ZNF585A: variants seen among roughly 807,000 people sequenced by gnomAD.
ZNF585A encodes zinc finger protein 585A.
In ZNF585A, 9 loss-of-function variants were observed where a neutral mutation model predicts 14.9. The ratio of observed to expected loss-of-function variants is 0.60; its 90% CI spans 0.36 to 1.05. The LOEUF (loss-of-function observed/expected upper bound fraction) is 1.05. Ranked by LOEUF, ZNF585A falls within the 50% of genes least tolerant of loss-of-function variation. ZNF585A has a pLI of 0.01. For synonymous variants in ZNF585A, 276 were observed against 319.9 expected (o/e 0.86, Z 1.46); for missense variants, 726 against 926.4 (o/e 0.78, Z 2.81).
chr19:37,157,966 GC>G (rs1971956837), intron 2 of ZNF585A, among the ~76,000 whole-genome samples: 1 of 147,498 alleles, frequency 6.8e-6, no homozygotes, highest in Non-Finnish European at 1.5e-5. Flanking sequence ...TCGGCTCACC[GC>G]AACCTCCACC....
intron 2 of ZNF585A, 117 bp downstream of exon 2, chr19:37,169,722 G>C: frequency 8.6e-7 from 1 of 1,165,126 alleles, no homozygotes; most frequent in Non-Finnish European, 1.2e-6. Context: ...AGCAGGTCTA[G>C]AGTCCAGCTG....
At chr19:37,165,980 A>G (rs1972085062) in intron 2 of ZNF585A, among the ~76,000 whole-genome samples, 1 of 152,036 alleles carries the variant, frequency 6.6e-6, no homozygotes. Flanking sequence ...GATTGTTTGA[A>G]TCTTAGGTAC....
intron 1 of ZNF585A, among the ~76,000 whole-genome samples, chr19:37,170,807 A>C (rs184770350): frequency 6.6e-6 from 1 of 152,364 alleles, no homozygotes; most frequent in Admixed American, 6.5e-5. Flanking sequence ...AATGAGGATG[A>C]AAATGCTTAT....
intron 2 of ZNF585A, chr19:37,165,743 TTTAAATA>T (rs772417710): frequency 3.5e-4 from 254 of 726,894 alleles, no homozygotes; most frequent in Non-Finnish European, 4.1e-4. Flanking sequence ...TGAGAATAAT[TTTAAATA>T]TTATTCTTTA....
chr19:37,162,068 C>T (rs1330481285), intron 2 of ZNF585A, among the ~76,000 whole-genome samples: 3 of 152,126 alleles, frequency 2.0e-5, no homozygotes, highest in African/African-American at 4.8e-5. Context: ...GGACTACAGG[C>T]ACCGGCCAAC....
In ZNF585A at chr19:37,147,952, T is replaced by C. The variant is rs1352115872; in HGVS notation, c.*3637A>G. On this transcript the variant is annotated 3_prime_UTR_variant, in exon 5 of 5. Transcript: ENST00000292841. ...ATGTACATTTGTGTTACTTCCTAAT[T>C]TGGGCAATTATACAATTGCTGTGAA... 6.6e-6 allele frequency: 1 copy of C among 152,214 alleles called. No homozygotes were observed. Among genetic ancestry groups the C allele is most frequent in the Non-Finnish European group, 1.5e-5 (1 of 68,028 alleles). 9.4% of individuals were successfully genotyped at this position (152,214 alleles called of 1,614,324 possible).
intron 2 of ZNF585A, among the ~76,000 whole-genome samples, chr19:37,157,149 C>T (rs1173424204): frequency 6.6e-6 from 1 of 152,150 alleles, no homozygotes; most frequent in Non-Finnish European, 1.5e-5. Context: ...TTCGAAGAAA[C>T]ATTTTATATA....
intron 2 of ZNF585A, among the ~76,000 whole-genome samples, chr19:37,162,921 C>T (rs1319010968): frequency 6.6e-6 from 1 of 152,058 alleles, no homozygotes; most frequent in East Asian, 1.9e-4. Flanking sequence ...ACAATAAACC[C>T]CCATGACACA....
At chr19:37,157,353 A>G (rs75423286) in intron 2 of ZNF585A, among the ~76,000 whole-genome samples, 3,210 of 152,292 alleles carry the variant, frequency 0.021, 118 homozygotes, top group African/African-American at 0.073. Flanking sequence ...ATTTAGGACG[A>G]GCCCTTATGC....
intron 2 of ZNF585A, 72 bp downstream of exon 2, chr19:37,169,767 G>A (rs372598269): frequency 1.3e-6 from 2 of 1,575,794 alleles, no homozygotes; most frequent in Non-Finnish European, 1.7e-6. Flanking sequence ...TCAGTCATGA[G>A]GTTCTAGTGA....
At chr19:37,168,071 A>G (rs922681963) in intron 2 of ZNF585A, among the ~76,000 whole-genome samples, 9 of 152,238 alleles carry the variant, frequency 5.9e-5, no homozygotes, top group Admixed American at 5.2e-4. Context: ...TTTACTTAAT[A>G]TAGTTCAAAA....
chr19:37,157,186 A>G (rs1187153919), intron 2 of ZNF585A, among the ~76,000 whole-genome samples: 1 of 152,220 alleles, frequency 6.6e-6, no homozygotes, highest in Non-Finnish European at 1.5e-5. Context: ...TTAGTTTTAC[A>G]TATTTTGTGG....
At chr19:37,155,830 C>G (rs1971918913) in intron 4 of ZNF585A, 35 bp downstream of exon 4, 4 of 1,606,692 alleles carry the variant, frequency 2.5e-6, no homozygotes, top group Non-Finnish European at 3.4e-6. Flanking sequence ...TTCCTCCCAT[C>G]TCCCATCTAC....
chr19:37,161,130 AT>A (rs1326461660), intron 2 of ZNF585A, among the ~76,000 whole-genome samples: 1 of 152,054 alleles, frequency 6.6e-6, no homozygotes, highest in Non-Finnish European at 1.5e-5. Context: ...CCAAACTAAT[AT>A]TTTTAAGCCC....
rs1362953358 is a variant in ZNF585A at position 37,153,551 on chromosome 19, T to C, written c.348A>G (p.Val116=). The change falls in exon 5 of 5, where the codon GTA becomes GTG. Residue 116 remains valine, a synonymous_variant. Transcript: ENST00000292841. The part of the protein sequence containing the change: ...QCRKILSYKQ[V]SSQPQKMYPG... Reference sequence around the variant, plus strand: ...GATACATTTTTTGAGGTTGAGAGGATACTTGTTTATAACTGAGGATTTTTC... The same window carrying C: ...GATACATTTTTTGAGGTTGAGAGGACACTTGTTTATAACTGAGGATTTTTC... The C allele has an allele frequency of 1.5e-5, 25 of 1,613,936 alleles. No individual in the cohort carries two copies. The South Asian group carries it at 2.2e-4, about 14-fold the overall frequency.
At chr19:37,167,488 A>G (rs1162407769) in intron 2 of ZNF585A, among the ~76,000 whole-genome samples, 2 of 152,198 alleles carry the variant, frequency 1.3e-5, no homozygotes, top group African/African-American at 4.8e-5. Flanking sequence ...TAATTGTGGT[A>G]AAAATACACA....
intron 1 of ZNF585A, among the ~76,000 whole-genome samples, chr19:37,171,552 G>C (rs1050886026): frequency 2.0e-5 from 3 of 152,110 alleles, no homozygotes; most frequent in African/African-American, 7.2e-5. Flanking sequence ...TAAATTGTTG[G>C]TATAAGCTTG....
chr19:37,165,514 A>G (rs1018805165), intron 2 of ZNF585A: 1 of 310,030 alleles, frequency 3.2e-6, no homozygotes, highest in Admixed American at 6.5e-5. Flanking sequence ...GAGATATTTT[A>G]CAATTTTAGT....
rs1972155645 is a variant in ZNF585A at position 37,169,939 on chromosome 19, G to A, written c.-29C>T. 1.9e-6 allele frequency: 3 copies of A among 1,606,438 alleles called. No homozygotes were observed. Among genetic ancestry groups the A allele is most frequent in the Non-Finnish European group, 2.5e-6 (3 of 1,178,310 alleles). On this transcript the variant is annotated 5_prime_UTR_variant, in exon 2 of 5. Transcript: ENST00000292841. ...CACACTGGGTCTCAACCCTTTTTCTGTAGGGTGTCTGAAGCTTGGCAGTCA... is the reference window on the plus strand; with the variant it reads ...CACACTGGGTCTCAACCCTTTTTCTATAGGGTGTCTGAAGCTTGGCAGTCA...
Sources: allele counts gnomAD v4.1 joint callset (sites outside exome capture counted in the v4.1 genomes callset), GRCh38; gene constraint gnomAD v4.1.1; transcripts MANE v1.5; gene names NCBI Gene and HGNC (gene_info 2026-07-23, HGNC 2026-07-21).